The following ACER1 variants were observed in gnomAD, a reference collection of about 807,000 sequenced individuals.
ACER1 encodes the protein CTB-180A7.3.
A neutral mutation model predicts 24.9 loss-of-function variants in ACER1; 28 were observed. The ratio of observed to expected loss-of-function variants is 1.13; its 90% CI spans 0.83 to 1.54. ACER1 has a LOEUF of 1.54. ACER1 is among the 40% of genes most tolerant of loss of function. The pLI, the probability that ACER1 is intolerant of heterozygous loss-of-function variation, is 0.00. For synonymous variants in ACER1, 132 were observed against 131.4 expected (o/e 1.00, Z -0.03); for missense variants, 352 against 349.3 (o/e 1.01, Z -0.06).
At chr19:6,307,123 G>A (rs2144993235) in intron 5 of ACER1, 30 bp downstream of exon 5, 1 of 1,611,394 alleles carries the variant, frequency 6.2e-7, no homozygotes, top group East Asian at 2.2e-5. Flanking sequence ...CTGACTCTGG[G>A]CCCCCCACAG....
chr19:6,319,720 G>T (rs531910229), intron 1 of ACER1, among the ~76,000 whole-genome samples: 1 of 152,154 alleles, frequency 6.6e-6, no homozygotes, highest in Non-Finnish European at 1.5e-5. Context: ...GGACCAGGGA[G>T]CTCTGTGTGT....
At chr19:6,335,906 C>CTTTTCTTTTTTTTTTTT (rs1555717055), upstream of ACER1, among the ~76,000 whole-genome samples, 9 of 141,556 alleles carry the variant, frequency 6.4e-5, no homozygotes, top group South Asian at 2.2e-4. Flanking sequence ...TTTTTCTTTT[C>CTTTTCTTTTTTTTTTTT]TTTTTTTTTT....
At chr19:6,321,668 C>T (rs946032270) in intron 1 of ACER1, among the ~76,000 whole-genome samples, 3 of 151,926 alleles carry the variant, frequency 2.0e-5, no homozygotes, top group South Asian at 2.1e-4. Context: ...GGGTTCAGTG[C>T]GCAATCTCAG....
the ACER1 span, among the ~76,000 whole-genome samples, chr19:6,347,944 C>T: frequency 5.3e-5 from 8 of 151,522 alleles, no homozygotes; most frequent in Non-Finnish European, 8.9e-5. Flanking sequence ...AATCCCAGCA[C>T]GTTGGGAGGC....
intron 1 of ACER1, among the ~76,000 whole-genome samples, chr19:6,319,708 C>T (rs371072654): frequency 1.2e-3 from 177 of 152,224 alleles, no homozygotes; most frequent in African/African-American, 3.9e-3. Flanking sequence ...TTAAGTGCCA[C>T]GGGACCAGGG....
At chr19:6,353,393 G>A in the ACER1 span, 1 of 152,146 alleles carries the variant, frequency 6.6e-6, no homozygotes, top group South Asian at 2.1e-4. Context: ...TCAGCGCTTT[G>A]GGAGGCCAAG....
chr19:6,307,813 G>A (rs576718805), intron 4 of ACER1, among the ~76,000 whole-genome samples: 4 of 148,632 alleles, frequency 2.7e-5, no homozygotes, highest in Admixed American at 6.8e-5. Context: ...TAGGCCGGGC[G>A]TGATGGCTCA....
chr19:6,338,684 C>T, the ACER1 span, among the ~76,000 whole-genome samples: 1 of 151,902 alleles, frequency 6.6e-6, no homozygotes, highest in African/African-American at 2.4e-5. Context: ...ACCTCCTGGG[C>T]TCAAGTGATC....
intron 3 of ACER1, among the ~76,000 whole-genome samples, chr19:6,311,635 A>G (rs1487579931): frequency 7.2e-6 from 1 of 139,290 alleles, no homozygotes; most frequent in African/African-American, 2.7e-5. Context: ...GAGGAGGAGA[A>G]GAAGAAGAAG....
At position 6,306,876 on chromosome 19, in the gene ACER1, C is replaced by G. The variant is rs1369307652; in HGVS notation, c.633G>C (p.Val211=). ...CATAAGGGAAGGTGATGCTGATGAG[C>G]ACATGCCTGTGGAGTGCAGGGCGAA... ...HFFYLHSIWH[V]LISITFPYGM... is the part of the protein sequence containing the mutation. The change falls in exon 6 of 6, where the codon GTG becomes GTC. Residue 211 remains valine (V), a synonymous_variant. Transcript: ENST00000301452. The G allele has an allele frequency of 6.2e-7, 1 of 1,612,822 alleles. No individual in the cohort carries two copies. Among genetic ancestry groups the G allele is most frequent in the Non-Finnish European group, 8.5e-7 (1 of 1,179,278 alleles).
the ACER1 span, among the ~76,000 whole-genome samples, chr19:6,339,065 T>C: frequency 1.3e-5 from 2 of 150,964 alleles, no homozygotes; most frequent in Non-Finnish European, 1.5e-5. Context: ...TTAGTAGAGA[T>C]GGGGTTTCAG....
At chr19:6,349,728 A>G in the ACER1 span, among the ~76,000 whole-genome samples, 1 of 152,062 alleles carries the variant, frequency 6.6e-6, no homozygotes, top group African/African-American at 2.4e-5. Flanking sequence ...GGGACAGATG[A>G]GACTCTGAGG....
At position 6,307,183 on chromosome 19, in the gene ACER1, C is replaced by A; in HGVS notation, c.596G>T (p.Arg199Met). The A allele has an allele frequency of 6.2e-7, 1 of 1,614,136 alleles. No homozygotes were observed. Among genetic ancestry groups the A allele is most frequent in the Non-Finnish European group, 8.5e-7 (1 of 1,180,022 alleles). ...GCTGTGCAGATAGAAGAAATGAATCCTCTGCCAGAAGCTGCAAAGCAGACG... is the reference window on the plus strand; with the variant it reads ...GCTGTGCAGATAGAAGAAATGAATCATCTGCCAGAAGCTGCAAAGCAGACG... Reference protein sequence around the residue: ...SDRLLCSFWQRIHFFYLHSIW... With the variant: ...SDRLLCSFWQMIHFFYLHSIW... The change falls in exon 5 of 6, where the codon AGG becomes ATG. Residue 199 changes from arginine to methionine, a missense_variant. Transcript: ENST00000301452.
the ACER1 span, among the ~76,000 whole-genome samples, chr19:6,352,570 C>T: frequency 6.6e-6 from 1 of 152,148 alleles, no homozygotes; most frequent in African/African-American, 2.4e-5. Context: ...AGTTTAGGGG[C>T]GGTTTGTTAC....
rs1280909059 is a variant in ACER1, at chr19:6,333,514, T to A, written c.38A>T (p.Asp13Val). The A allele has an allele frequency of 6.3e-7, 1 of 1,593,102 alleles. No individual in the cohort carries two copies. The highest frequency in any genetic ancestry group is 8.6e-7 in the Non-Finnish European group (1 of 1,169,130). ...GTACTGGAAGTTGCTCTCACACCAG[T>A]CCACCTCGGAGCTCTGATAGGCGAA... ...SIFAYQSSEV[D>V]WCESNFQYSE... Residue 13 changes from aspartate to valine, a missense_variant, in exon 1 of 6, where the codon GAC (aspartate) becomes GTC (valine). Coordinates refer to ENST00000301452, the MANE Select transcript of ACER1 (RefSeq NM_133492.3).
intron 4 of ACER1, among the ~76,000 whole-genome samples, chr19:6,307,618 T>TA (rs575533649): frequency 0.14 from 17,988 of 127,328 alleles, 1,270 homozygotes; most frequent in African/African-American, 0.2. Context: ...ACCCCATCTC[T>TA]AAAAAAAAAA....
chr19:6,333,408 G>C (rs542676809), intron 1 of ACER1, 51 bp downstream of exon 1: 2 of 1,458,190 alleles, frequency 1.4e-6, no homozygotes, highest in Admixed American at 2.0e-5. Context: ...GGGAGGAACC[G>C]GGATTCGAAC....
In ACER1 at chr19:6,312,454, G is replaced by C. The variant is rs202229449; in HGVS notation, c.139C>G (p.Leu47Val). The C allele has an allele frequency of 1.5e-4, 239 of 1,613,892 alleles. No individual in the cohort carries two copies. Among genetic ancestry groups the C allele is most frequent in the Non-Finnish European group, 1.9e-4 (222 of 1,180,038 alleles). Reference protein sequence around the residue: ...FFIFGPLMMLLMHPYAQKRSR... With the variant: ...FFIFGPLMMLVMHPYAQKRSR... The stretch of plus-strand genomic sequence containing the variant: ...CGCTTCTGGGCATACGGGTGCATCA[G>C]GAGCATCATCAGTGGCCCGAAGATG... The change falls in exon 2 of 6, where the codon CTG becomes GTG. Residue 47 changes from leucine (L) to valine (V), a missense_variant. Leu to Val is a conservative substitution (Grantham distance 32). Transcript: ENST00000301452.
At chr19:6,324,866 A>AGGGG (rs368180872) in intron 1 of ACER1, among the ~76,000 whole-genome samples, 1 of 122,808 alleles carries the variant, frequency 8.1e-6, no homozygotes, top group Non-Finnish European at 1.7e-5. Flanking sequence ...AGAGAAAGGA[A>AGGGG]GGAAGGAAGG....
Sources: gnomAD v4.1 joint callset for allele counts (sites outside exome capture counted in the v4.1 genomes callset) on GRCh38, gnomAD v4.1.1 for gene constraint, MANE v1.5 for transcripts, NCBI Gene and HGNC (gene_info 2026-07-23, HGNC 2026-07-21) for gene names.